SEC14L4: variants seen among roughly 807,000 people sequenced by gnomAD.
SEC14L4 encodes SEC14-like protein 4.
In SEC14L4, 42 loss-of-function variants were observed where a neutral mutation model predicts 55.1. The observed-to-expected ratio is 0.76, with a 90% CI of 0.60 to 0.99. The LOEUF is 0.99. SEC14L4 is among the 50% of genes least tolerant of loss of function. The pLI is 0.00. For missense variants in SEC14L4, 445 were observed against 512.1 expected (o/e 0.87, Z 1.27); for synonymous variants, 206 against 206.8 (o/e 1.00, Z 0.03).
In SEC14L4 at chr22:30,492,594, G is replaced by C. The variant is rs773170541; in HGVS notation, c.581-37C>G. On this transcript the variant is annotated intron_variant, in intron 7 of 11. Coordinates refer to ENST00000255858, the MANE Select transcript of SEC14L4 (RefSeq NM_174977.4). Reference sequence around the variant, plus strand: ...GTAAATCTCTTGAGAAGCTGGACCAGAAAGGACGTGGGGATACAGAGCCAC... The same window carrying C: ...GTAAATCTCTTGAGAAGCTGGACCACAAAGGACGTGGGGATACAGAGCCAC... The C allele has an allele frequency of 2.0e-6, 3 of 1,538,326 alleles. No homozygotes were observed. The South Asian group carries it at 3.4e-5, about 17-fold the overall frequency.
At chr22:30,502,718 T>G (rs76453798) in intron 2 of SEC14L4, among the ~76,000 whole-genome samples, 2,735 of 152,124 alleles carry the variant, frequency 0.018, 80 homozygotes, top group African/African-American at 0.063. Context: ...ACCCGGCTAA[T>G]TTTTGTATTT....
At chr22:30,490,456 G>C (rs1935917856) in intron 11 of SEC14L4, among the ~76,000 whole-genome samples, 1 of 152,200 alleles carries the variant, frequency 6.6e-6, no homozygotes, top group Non-Finnish European at 1.5e-5. Context: ...ATTGCTCGCT[G>C]CCATCTCCAT....
Position 30,489,940 on chromosome 22 carries a change from C to T in SEC14L4, c.*167G>A. 1 of 1,552,016 alleles carries T rather than the reference C, an allele frequency of 6.4e-7. No individual in the cohort carries two copies. The highest frequency in any genetic ancestry group is 8.7e-7 in the Non-Finnish European group (1 of 1,147,116). ...AGCATGGGCTATGCACTGGTGGCCC[C>T]TTCCTGCTTGGCCACTGTGCCAGGT... On this transcript the variant is annotated 3_prime_UTR_variant, in exon 12 of 12. Coordinates refer to ENST00000255858, the MANE Select transcript of SEC14L4 (RefSeq NM_174977.4).
chr22:30,490,143 C>G lies in SEC14L4; in HGVS notation c.1185G>C (p.Gln395His), dbSNP rs1340117115. Residue 395 changes from glutamine (Q) to histidine (H), a missense_variant, in exon 12 of 12, where the codon CAG becomes CAC. Coordinates refer to ENST00000255858, the MANE Select transcript of SEC14L4 (RefSeq NM_174977.4). ...LPDKASEETL[Q>H]SLKAMRPSPT... is the part of the protein sequence containing the mutation. ...GGGAGGGTCTCATCGCCTTGAGACT[C>G]TGCAGCGTCTCCTCAGAGGCCTTGT... The G allele has an allele frequency of 5.0e-6, 8 of 1,614,148 alleles. No homozygotes were observed. Among genetic ancestry groups the G allele is most frequent in the Non-Finnish European group, 5.9e-6 (7 of 1,180,016 alleles).
At chr22:30,505,006 C>G (rs924273077) in intron 1 of SEC14L4, among the ~76,000 whole-genome samples, 1 of 151,866 alleles carries the variant, frequency 6.6e-6, no homozygotes, top group Non-Finnish European at 1.5e-5. Context: ...GTGGCGGGCA[C>G]CTGTAGCCCC....
intron 1 of SEC14L4, among the ~76,000 whole-genome samples, chr22:30,505,217 C>G (rs1056954970): frequency 7.2e-5 from 11 of 152,080 alleles, no homozygotes; most frequent in Admixed American, 2.0e-4. Context: ...ATGTTGCAAC[C>G]TGGACATGAA....
rs774319016 is a variant in SEC14L4 at position 30,491,714 on chromosome 22, T to C, written c.940A>G (p.Ile314Val). 6.2e-6 allele frequency: 10 copies of C among 1,614,152 alleles called. No individual in the cohort carries two copies. Among genetic ancestry groups the C allele is most frequent in the South Asian group, 2.2e-5 (2 of 91,082 alleles). The change falls in exon 11 of 12, where the codon ATC (isoleucine) becomes GTC (valine). Residue 314 changes from isoleucine (I) to valine (V), a missense_variant. By Grantham distance (29) the Ile-to-Val change is conservative. Coordinates refer to ENST00000255858, the MANE Select transcript of SEC14L4 (RefSeq NM_174977.4). ...RWQFASDGGDIGFGVFLKTKM... is the reference protein window; with the variant it reads ...RWQFASDGGDVGFGVFLKTKM... ...GTCTTCAGGAAAACCCCAAAGCCGA[T>C]GTCCCCACCATCTGAAGCAAACTGC...
Position 30,495,923 on chromosome 22 carries a change from C to T in SEC14L4, c.174+5G>A. On this transcript the variant is annotated splice_donor_5th_base_variant and intron_variant, in intron 3 of 11. Coordinates refer to ENST00000255858, the MANE Select transcript of SEC14L4 (RefSeq NM_174977.4). ...GGCAGGGCAGTAGGGATCACAGATC[C>T]TTACCCTTCGGAGCATGTCTTCGGA... 1 of 1,613,940 alleles carries T rather than the reference C, an allele frequency of 6.2e-7. No individual in the cohort carries two copies. Among genetic ancestry groups the T allele is most frequent in the Non-Finnish European group, 8.5e-7 (1 of 1,179,910 alleles).
chr22:30,498,780 T>A (rs1936228006), intron 2 of SEC14L4, among the ~76,000 whole-genome samples: 1 of 152,228 alleles, frequency 6.6e-6, no homozygotes, highest in South Asian at 2.1e-4. Context: ...AAGTAGGATT[T>A]GAACCTTTTC....
At chr22:30,500,754 ATTTTTTTT>A (rs531954470) in intron 2 of SEC14L4, among the ~76,000 whole-genome samples, 6 of 79,472 alleles carry the variant, frequency 7.5e-5, no homozygotes, top group African/African-American at 1.0e-4. Flanking sequence ...TGAGAACAGA[ATTTTTTTT>A]TTTTTTTTTT....
intron 8 of SEC14L4, 151 bp downstream of exon 8, chr22:30,492,323 A>G: frequency 8.7e-7 from 1 of 1,151,144 alleles, no homozygotes; most frequent in Non-Finnish European, 1.3e-6. Flanking sequence ...ACGGTCTAGG[A>G]CCCAAGGCAT....
intron 2 of SEC14L4, among the ~76,000 whole-genome samples, chr22:30,497,139 G>A (rs1057478160): frequency 2.0e-5 from 3 of 152,126 alleles, no homozygotes; most frequent in Non-Finnish European, 4.4e-5. Flanking sequence ...AGGAGTTCAA[G>A]ACCAGCCTGG....
Position 30,489,971 on chromosome 22 carries a change from T to C in SEC14L4, c.*136A>G. Reference sequence around the variant, plus strand: ...GCTTGGCCACTGTGCCAGGTGAGCCTACAATGAGATGAAATGGTGACGTGG... The same window carrying C: ...GCTTGGCCACTGTGCCAGGTGAGCCCACAATGAGATGAAATGGTGACGTGG... On this transcript the variant is annotated 3_prime_UTR_variant, in exon 12 of 12. Transcript: ENST00000255858. 3 of 1,553,758 alleles carry C rather than the reference T, an allele frequency of 1.9e-6. No homozygotes were observed. The highest frequency in any genetic ancestry group is 2.7e-5 in the African/African-American group (2 of 73,298).
intron 8 of SEC14L4, 92 bp from the exon 9 acceptor site, chr22:30,492,247 C>G (rs117159421): frequency 0.019 from 28,213 of 1,473,260 alleles, 433 homozygotes; most frequent in Middle Eastern, 0.048. Flanking sequence ...CCTGATATGT[C>G]CTGGGCGTGC....
intron 2 of SEC14L4, among the ~76,000 whole-genome samples, chr22:30,498,596 A>C (rs952034469): frequency 3.0e-4 from 46 of 152,192 alleles, no homozygotes; most frequent in Non-Finnish European, 7.3e-5. Context: ...TTCTACATTT[A>C]AACAGTAATG....
rs762745498 is a variant in SEC14L4, at chr22:30,489,879, C to A, written c.*228G>T. ...GCGTTCTCATTCTCAGCCGCATTCTCTGGGAACAGGGAAAGAGGTTCCTGT... is the reference window on the plus strand; with the variant it reads ...GCGTTCTCATTCTCAGCCGCATTCTATGGGAACAGGGAAAGAGGTTCCTGT... On this transcript the variant is annotated 3_prime_UTR_variant, in exon 12 of 12. Transcript: ENST00000255858. 2 of 1,551,786 alleles carry A rather than the reference C, an allele frequency of 1.3e-6. No homozygotes were observed. Among genetic ancestry groups the A allele is most frequent in the South Asian group, 2.4e-5 (2 of 84,068 alleles).
intron 8 of SEC14L4, 139 bp downstream of exon 8, chr22:30,492,335 G>T: frequency 8.9e-7 from 1 of 1,126,346 alleles, no homozygotes; most frequent in Non-Finnish European, 1.3e-6. Flanking sequence ...CCAAGGCATT[G>T]CCCGTGCGTG....
At chr22:30,498,124 C>CTTTTTTTTTTTTTT (rs869157636) in intron 2 of SEC14L4, among the ~76,000 whole-genome samples, 3 of 98,348 alleles carry the variant, frequency 3.1e-5, no homozygotes, top group African/African-American at 4.2e-5. Flanking sequence ...TTTTCATTAT[C>CTTTTTTTTTTTTTT]TTTTTTTTTT....
chr22:30,505,682 T>G lies in SEC14L4; in HGVS notation c.-71A>C. ...CGCCGCCGCCTGGCCTTGTATCCGC[T>G]GCCGCCTGGTTGTGCCTCCTGGGCC... On this transcript the variant is annotated 5_prime_UTR_variant, in exon 1 of 12. Transcript: ENST00000255858. 1.4e-6 allele frequency: 2 copies of G among 1,428,064 alleles called. No homozygotes were observed. The highest frequency in any genetic ancestry group is 1.9e-6 in the Non-Finnish European group (2 of 1,064,938). 88.5% of individuals were successfully genotyped at this position (1,428,064 alleles called of 1,614,324 possible).
Sources: allele counts gnomAD v4.1 joint callset (sites outside exome capture counted in the v4.1 genomes callset), GRCh38; gene constraint gnomAD v4.1.1; transcripts MANE v1.5; gene names NCBI Gene and HGNC (gene_info 2026-07-23, HGNC 2026-07-21).